Variants in RGPD4 observed in about 807,000 individuals in gnomAD.
The protein encoded by RGPD4 is RANBP2 like and GRIP domain containing 4.
RGPD4 carries 84 observed loss-of-function variants against 141.1 expected under a neutral mutation model. That is an observed-to-expected ratio of 0.60 (90% CI 0.50 to 0.71). The LOEUF (loss-of-function observed/expected upper bound fraction) is 0.71. Ranked by LOEUF, RGPD4 falls within the 30% of genes least tolerant of loss-of-function variation. RGPD4 has a pLI of 0.00. For synonymous variants in RGPD4, 298 were observed against 566.8 expected (o/e 0.53, Z 6.74); for missense variants, 918 against 1,622.4 (o/e 0.57, Z 7.46).
chr2:107,857,689 C>T (rs909145146), intron 9 of RGPD4, among the ~76,000 whole-genome samples: 1 of 151,780 alleles, frequency 6.6e-6, no homozygotes, highest in Non-Finnish European at 1.5e-5. Flanking sequence ...CCTGCCTAAG[C>T]CCCCCAAAGT....
intron 22 of RGPD4, among the ~76,000 whole-genome samples, chr2:107,886,543 T>A (rs1192479197): frequency 6.7e-6 from 1 of 149,888 alleles, no homozygotes; most frequent in Non-Finnish European, 1.5e-5. Flanking sequence ...AAATTCTTAA[T>A]GATGTACTTC....
At position 107,844,522 on chromosome 2, in the gene RGPD4, G is replaced by A. The variant is rs1681846747; in HGVS notation, c.782+792G>A. 9.2e-5 allele frequency among the ~76,000 whole-genome samples: 14 copies of A among 152,022 alleles called. No individual in the cohort carries two copies. The South Asian group carries it at 2.9e-3, about 32-fold the overall frequency. On this transcript the variant is annotated intron_variant, in intron 6 of 22. Transcript: ENST00000408999. Reference sequence around the variant, plus strand: ...AAAAAGTTTACTGATTGCTAGTTTAGGCTGTCCATTTGTTTGGAAGTTAAT... The same window carrying A: ...AAAAAGTTTACTGATTGCTAGTTTAAGCTGTCCATTTGTTTGGAAGTTAAT...
chr2:107,885,336 A>G (rs1210945634), intron 22 of RGPD4, among the ~76,000 whole-genome samples: 6 of 152,160 alleles, frequency 3.9e-5, no homozygotes, highest in Non-Finnish European at 8.8e-5. Context: ...GCATTTTAAA[A>G]TTAAAGTTTT....
chr2:107,846,720 A>T (rs1007174098), intron 6 of RGPD4, among the ~76,000 whole-genome samples: 1 of 150,406 alleles, frequency 6.6e-6, no homozygotes, highest in Admixed American at 6.6e-5. Flanking sequence ...CACCCGCCTC[A>T]GCCTCCCAAA....
In RGPD4 at chr2:107,890,717, A is replaced by C. The variant is rs776940071; in HGVS notation, c.5267-4A>C. 1.3e-6 allele frequency: 2 copies of C among 1,598,210 alleles called. No individual in the cohort carries two copies. The highest frequency in any genetic ancestry group is 1.7e-6 in the Non-Finnish European group (2 of 1,176,226). ...TTCTTTTTTTTTTGTTTTACTTTCC[A>C]AAGGTGAGGAATAAAATGCTTCCCG... On this transcript the variant is annotated splice_region_variant and splice_polypyrimidine_tract_variant and intron_variant, in intron 22 of 22. Coordinates refer to ENST00000408999, the MANE Select transcript of RGPD4 (RefSeq NM_182588.3).
chr2:107,872,744 T>A lies in RGPD4; in HGVS notation c.4740T>A (p.Ser1580Arg), dbSNP rs1682976602. Residue 1580 changes from serine (S) to arginine (R), a missense_variant, in exon 20 of 23, where the codon AGT becomes AGA. Transcript: ENST00000408999. ...TTAGTTTTAATGCATCTTTGAAAAGTAACAACAGTGAAACTAGTTCAGTAG... is the reference window on the plus strand; with the variant it reads ...TTAGTTTTAATGCATCTTTGAAAAGAAACAACAGTGAAACTAGTTCAGTAG... ...FGFSFNASLKSNNSETSSVAQ... is the reference protein window; with the variant it reads ...FGFSFNASLKRNNSETSSVAQ... The A allele has an allele frequency of 6.2e-7, 1 of 1,611,534 alleles. No individual in the cohort carries two copies. The highest frequency in any genetic ancestry group is 8.5e-7 in the Non-Finnish European group (1 of 1,179,874).
intron 22 of RGPD4, among the ~76,000 whole-genome samples, chr2:107,883,845 C>T (rs1199044814): frequency 6.6e-6 from 1 of 152,100 alleles, no homozygotes; most frequent in African/African-American, 2.4e-5. Flanking sequence ...AAGGAAGGCG[C>T]TATAATCTCT....
intron 22 of RGPD4, among the ~76,000 whole-genome samples, chr2:107,886,108 T>A (rs1246226519): frequency 7.4e-6 from 1 of 135,744 alleles, no homozygotes; most frequent in African/African-American, 2.7e-5. Context: ...TTACACAGAA[T>A]TCAGCATGGG....
intron 7 of RGPD4, among the ~76,000 whole-genome samples, chr2:107,849,168 C>G (rs1386630373): frequency 1.4e-5 from 1 of 73,964 alleles, no homozygotes; most frequent in East Asian, 2.3e-4. Context: ...GATTCTCCTG[C>G]CTCAGCCTCC....
At chr2:107,830,204 A>C (rs1681430440) in intron 1 of RGPD4, among the ~76,000 whole-genome samples, 1 of 151,954 alleles carries the variant, frequency 6.6e-6, no homozygotes, top group South Asian at 2.1e-4. Flanking sequence ...AAGTTCTTAC[A>C]AATCGTTAGT....
chr2:107,878,379 G>A (rs930874764), intron 20 of RGPD4, among the ~76,000 whole-genome samples: 10 of 143,664 alleles, frequency 7.0e-5, no homozygotes, highest in South Asian at 2.1e-4. Context: ...ACTGTAACCC[G>A]GGAAGAGGGA....
chr2:107,891,238 G>C lies in RGPD4; in HGVS notation c.*507G>C, dbSNP rs1184997401. On this transcript the variant is annotated 3_prime_UTR_variant, in exon 23 of 23. Transcript: ENST00000408999. ...TTTGGGAGGCTGAGGCTGGAGAATC[G>C]TTTGAGGCTAGTGAGCTGTGATTGT... 7.2e-6 allele frequency among the ~76,000 whole-genome samples: 1 copy of C among 137,994 alleles called. No homozygotes were observed. The highest frequency in any genetic ancestry group is 1.6e-5 in the Non-Finnish European group (1 of 64,516). The allele number at this position is 137,994 out of a possible 152,430, so 90.5% of individuals were successfully genotyped here.
At chr2:107,859,984 ATAGT>A (rs1407258132) in intron 12 of RGPD4, 139 bp downstream of exon 12, 2 of 1,019,698 alleles carry the variant, frequency 2.0e-6, no homozygotes, top group Non-Finnish European at 2.7e-6. Context: ...TTGCTGCAAA[ATAGT>A]TAATGTAGTT....
intron 9 of RGPD4, among the ~76,000 whole-genome samples, chr2:107,858,136 G>A (rs1273452028): frequency 6.6e-6 from 1 of 151,690 alleles, no homozygotes; most frequent in African/African-American, 2.4e-5. Context: ...ACTTTTATTG[G>A]CAATATAATC....
At chr2:107,831,377 A>G (rs1394987550) in intron 1 of RGPD4, among the ~76,000 whole-genome samples, 2 of 143,526 alleles carry the variant, frequency 1.4e-5, no homozygotes, top group East Asian at 2.0e-4. Flanking sequence ...TGCTCATCAA[A>G]TTTTTGGGCA....
Position 107,890,759 on chromosome 2 carries a change from T to G in RGPD4, c.*28T>G. 1 of 1,603,964 alleles carries G rather than the reference T, an allele frequency of 6.2e-7. No homozygotes were observed. The highest frequency in any genetic ancestry group is 2.2e-5 in the East Asian group (1 of 44,794). On this transcript the variant is annotated 3_prime_UTR_variant, in exon 23 of 23. Coordinates refer to ENST00000408999, the MANE Select transcript of RGPD4 (RefSeq NM_182588.3). ...TGCTTCCCGTTCTTCTGGATGGGCA[T>G]CCTATCTTCGTAGTTGGTTTGGACT...
At chr2:107,884,398 C>CTATAA in intron 22 of RGPD4, among the ~76,000 whole-genome samples, 1 of 151,932 alleles carries the variant, frequency 6.6e-6, no homozygotes, top group Non-Finnish European at 1.5e-5. Context: ...CCACGCCCGG[C>CTATAA]CATTTTGTTG....
At chr2:107,885,647 A>T (rs1383921793) in intron 22 of RGPD4, among the ~76,000 whole-genome samples, 1 of 152,190 alleles carries the variant, frequency 6.6e-6, no homozygotes, top group Non-Finnish European at 1.5e-5. Flanking sequence ...CCCTTTAAAG[A>T]TTATTTACTA....
intron 8 of RGPD4, 96 bp downstream of exon 8, chr2:107,854,739 T>C: frequency 6.5e-7 from 1 of 1,539,968 alleles, no homozygotes; most frequent in African/African-American, 1.4e-5. Context: ...CAGGAGATAA[T>C]TTGTCAAAAT....
Sources: gnomAD v4.1 joint callset for allele counts (sites outside exome capture counted in the v4.1 genomes callset) on GRCh38, gnomAD v4.1.1 for gene constraint, MANE v1.5 for transcripts, NCBI Gene and HGNC (gene_info 2026-07-23, HGNC 2026-07-21) for gene names.